AGMO: variants seen among roughly 807,000 people sequenced by gnomAD.
AGMO encodes alkylglycerol monooxygenase.
A neutral mutation model predicts 60.2 loss-of-function variants in AGMO; 75 were observed. The observed-to-expected ratio is 1.25, with a 90% CI of 1.03 to 1.51. The LOEUF (loss-of-function observed/expected upper bound fraction) is 1.51. Ranked by LOEUF, AGMO falls within the 40% of genes most tolerant of loss-of-function variation. The pLI, the probability that AGMO is intolerant of heterozygous loss-of-function variation, is 0.00. For missense variants in AGMO, 763 were observed against 525.5 expected (o/e 1.45, Z -4.42); for synonymous variants, 261 against 177.1 (o/e 1.47, Z -3.76).
chr7:15,544,449 A>C (rs898915827), intron 3 of AGMO, among the ~76,000 whole-genome samples: 1 of 152,158 alleles, frequency 6.6e-6, no homozygotes, highest in African/African-American at 2.4e-5. Context: ...TGACTAATAA[A>C]TATCCCCATA....
intron 12 of AGMO, among the ~76,000 whole-genome samples, chr7:15,352,160 G>C (rs533711609): frequency 2.0e-5 from 3 of 152,244 alleles, no homozygotes; most frequent in African/African-American, 2.4e-5. Flanking sequence ...GGACTGTTAG[G>C]GGAATCGAAA....
At chr7:15,422,191 C>G (rs1780944492) in intron 4 of AGMO, among the ~76,000 whole-genome samples, 1 of 151,802 alleles carries the variant, frequency 6.6e-6, no homozygotes, top group Non-Finnish European at 1.5e-5. Flanking sequence ...GGGATTACCT[C>G]TATGTTTCTC....
chr7:15,396,494 A>G (rs890800609), intron 5 of AGMO: 5 of 152,272 alleles, frequency 3.3e-5, no homozygotes, highest in Non-Finnish European at 5.9e-5. Context: ...CAGGGACCCA[A>G]AGAACGAGCA....
chr7:15,525,769 G>C (rs1187905298), intron 3 of AGMO, among the ~76,000 whole-genome samples: 1 of 152,122 alleles, frequency 6.6e-6, no homozygotes, highest in Non-Finnish European at 1.5e-5. Context: ...CCCCAGGCTG[G>C]AGAGGGGTAA....
chr7:15,207,812 T>A (rs1406154349), intron 12 of AGMO, among the ~76,000 whole-genome samples: 9 of 152,150 alleles, frequency 5.9e-5, no homozygotes, highest in Admixed American at 5.2e-4. Context: ...CGGGCACCTG[T>A]AGTCCCAGCT....
At chr7:15,148,203 G>C in the AGMO span, among the ~76,000 whole-genome samples, 2 of 151,948 alleles carry the variant, frequency 1.3e-5, no homozygotes, top group Non-Finnish European at 1.5e-5. Flanking sequence ...ACATATTTTA[G>C]ATTTTTCTGT....
At chr7:15,123,526 A>G in the AGMO span, among the ~76,000 whole-genome samples, 1 of 152,072 alleles carries the variant, frequency 6.6e-6, no homozygotes, top group Non-Finnish European at 1.5e-5. Context: ...TTCACACAGG[A>G]CTTCAAAATT....
chr7:15,441,768 A>G (rs543895056), intron 3 of AGMO, among the ~76,000 whole-genome samples: 7 of 152,258 alleles, frequency 4.6e-5, no homozygotes, highest in African/African-American at 1.4e-4. Context: ...TTGAAAGGAG[A>G]CGAACATAAG....
rs1473673466 is a variant in AGMO, at chr7:15,248,195, T to C, written c.1264-46836A>G. ...ATCCAGCACCATATATATATATATA[T>C]ATATATATATATATATATATATATA... is the stretch of plus-strand genomic sequence containing the variant. On this transcript the variant is annotated intron_variant, in intron 12 of 12. Transcript: ENST00000342526. 5.4e-3 allele frequency among the ~76,000 whole-genome samples: 413 copies of C among 76,672 alleles called. 16 individuals carry two copies. Among genetic ancestry groups the C allele is most frequent in the African/African-American group, 0.024 (391 of 16,056 alleles). The allele number at this position is 76,672 out of a possible 152,430, so 50.3% of individuals were successfully genotyped here.
chr7:15,253,575 C>T (rs1583331338), intron 12 of AGMO, among the ~76,000 whole-genome samples: 2 of 152,016 alleles, frequency 1.3e-5, no homozygotes, highest in South Asian at 2.1e-4. Context: ...AAAATGGACA[C>T]ATAATGATTA....
chr7:15,495,828 CT>C (rs1225140531), intron 3 of AGMO, among the ~76,000 whole-genome samples: 1 of 94,890 alleles, frequency 1.1e-5, no homozygotes, highest in Non-Finnish European at 2.5e-5. Flanking sequence ...GACTCTCTCT[CT>C]CTCTCTCTCT....
the AGMO span, among the ~76,000 whole-genome samples, chr7:15,178,574 C>T: frequency 6.6e-6 from 1 of 151,768 alleles, no homozygotes; most frequent in Non-Finnish European, 1.5e-5. Context: ...TCTGGTGTTT[C>T]TTCATGCCTC....
intron 3 of AGMO, among the ~76,000 whole-genome samples, chr7:15,455,657 T>C (rs1203918095): frequency 2.0e-5 from 3 of 152,156 alleles, no homozygotes; most frequent in Middle Eastern, 3.2e-3. Flanking sequence ...ACATGCTTGA[T>C]TGATAGTTTA....
At chr7:15,122,327 A>G in the AGMO span, among the ~76,000 whole-genome samples, 13 of 152,250 alleles carry the variant, frequency 8.5e-5, no homozygotes, top group African/African-American at 2.9e-4. Context: ...CAGACTATCC[A>G]TATGCTCATT....
intron 3 of AGMO, among the ~76,000 whole-genome samples, chr7:15,527,844 G>T (rs1166290730): frequency 6.6e-6 from 1 of 151,994 alleles, no homozygotes; most frequent in East Asian, 1.9e-4. Flanking sequence ...TCTAGAAATG[G>T]AAAAACAAAG....
chr7:15,226,564 GA>G (rs1782087737), intron 12 of AGMO, among the ~76,000 whole-genome samples: 1 of 152,036 alleles, frequency 6.6e-6, no homozygotes, highest in African/African-American at 2.4e-5. Context: ...AATTTTTAAA[GA>G]GTAGAAATAT....
intron 12 of AGMO, among the ~76,000 whole-genome samples, chr7:15,225,840 T>C (rs531263186): frequency 6.8e-4 from 103 of 152,178 alleles, no homozygotes; most frequent in Admixed American, 1.2e-3. Flanking sequence ...ATTAATCTGA[T>C]AGATTCAAAT....
At chr7:15,284,069 T>C (rs1784037687) in intron 12 of AGMO, among the ~76,000 whole-genome samples, 1 of 152,068 alleles carries the variant, frequency 6.6e-6, no homozygotes, top group East Asian at 1.9e-4. Flanking sequence ...ACCTCTGGGA[T>C]ACAGCAAAAA....
At chr7:15,290,168 T>C (rs553899047) in intron 12 of AGMO, among the ~76,000 whole-genome samples, 1 of 151,854 alleles carries the variant, frequency 6.6e-6, no homozygotes, top group South Asian at 2.1e-4. Flanking sequence ...TAGCTGGGAT[T>C]AGAGGTATGC....
Sources: allele counts gnomAD v4.1 joint callset (sites outside exome capture counted in the v4.1 genomes callset), GRCh38; gene constraint gnomAD v4.1.1; transcripts MANE v1.5; gene names NCBI Gene and HGNC (gene_info 2026-07-23, HGNC 2026-07-21).